Variants in CLCNKB observed in about 807,000 individuals in gnomAD.
CLCNKB encodes the protein chloride voltage-gated channel Kb.
Under a neutral mutation model 83.8 loss-of-function variants are expected in CLCNKB, and 74 were observed. The ratio of observed to expected loss-of-function variants is 0.88; its 90% CI spans 0.73 to 1.07. The LOEUF (loss-of-function observed/expected upper bound fraction) is 1.07. Among genes scored for constraint, CLCNKB ranks in the 50% least tolerant of loss-of-function variants. The pLI is 0.00. For missense variants in CLCNKB, 798 were observed against 893.6 expected, an observed-to-expected ratio of 0.89 and a Z score of 1.36; for synonymous variants, 358 against 356.6, an observed-to-expected ratio of 1.00 and a Z score of -0.04.
In CLCNKB at chr1:16,053,637, A is replaced by G; in HGVS notation, c.1623-2A>G. 6.2e-7 allele frequency: 1 copy of G among 1,613,876 alleles called. No individual in the cohort carries two copies. Among genetic ancestry groups the G allele is most frequent in the African/African-American group, 1.3e-5 (1 of 75,016 alleles). ...GCCTGATGGGAGCCCCTCTGCCTGC[A>G]GTTCCCACCGCGTGAGGGTGGAGCA... On this transcript the variant is annotated splice_acceptor_variant, in intron 15 of 19. Coordinates refer to ENST00000375679, the MANE Select transcript of CLCNKB (RefSeq NM_000085.5). LOFTEE classifies it high-confidence loss of function.
chr1:16,046,694 C>G lies in CLCNKB; in HGVS notation c.358+31C>G, dbSNP rs778077832. On this transcript the variant is annotated intron_variant, in intron 4 of 19. Coordinates refer to ENST00000375679, the MANE Select transcript of CLCNKB (RefSeq NM_000085.5). Reference sequence around the variant, plus strand: ...TCCACAGTCGCTACGCCAGTCCCCACTGGCCAAAACCTTCTCAGATCCCAG... The same window carrying G: ...TCCACAGTCGCTACGCCAGTCCCCAGTGGCCAAAACCTTCTCAGATCCCAG... 35 of 1,538,582 alleles carry G rather than the reference C, an allele frequency of 2.3e-5. No homozygotes were observed. The East Asian group carries it at 8.0e-4, about 35-fold the overall frequency.
At chr1:16,044,845 C>T (rs2023050675) in intron 2 of CLCNKB, among the ~76,000 whole-genome samples, 1 of 152,232 alleles carries the variant, frequency 6.6e-6, no homozygotes, top group African/African-American at 2.4e-5. Flanking sequence ...CTGTGCCCAT[C>T]TTCCACCCAG....
intron 12 of CLCNKB, 45 bp from the exon 13 acceptor site, chr1:16,051,433 G>A (rs746456692): frequency 1.9e-6 from 3 of 1,606,906 alleles, no homozygotes; most frequent in Middle Eastern, 1.7e-4. Context: ...TCCACGCCTT[G>A]CCCAGCAGCC....
intron 5 of CLCNKB, 22 bp from the exon 6 acceptor site, chr1:16,048,321 G>A (rs2023166448): frequency 6.2e-7 from 1 of 1,613,728 alleles, no homozygotes; most frequent in African/African-American, 1.3e-5. Context: ...CCTGGGCCCT[G>A]GGCCCACCCT....
At chr1:16,056,013 G>A (rs559375161) in intron 18 of CLCNKB, among the ~76,000 whole-genome samples, 1 of 152,338 alleles carries the variant, frequency 6.6e-6, no homozygotes. Flanking sequence ...AAATCTCTGG[G>A]TGGAGAAAGA....
At chr1:16,046,706 TTC>T in intron 4 of CLCNKB, 43 bp downstream of exon 4, 1 of 103,896 alleles carries the variant, frequency 9.6e-6, no homozygotes, top group Non-Finnish European at 1.7e-5. Flanking sequence ...GGCCAAAACC[TTC>T]TCAGATCCCA....
At chr1:16,045,483 C>T in intron 2 of CLCNKB, 75 bp from the exon 3 acceptor site, 2 of 1,576,608 alleles carry the variant, frequency 1.3e-6, no homozygotes, top group South Asian at 2.2e-5. Context: ...TGCCTGAAGC[C>T]CAGCAGGCCT....
chr1:16,053,329 C>A (rs1247551883), intron 15 of CLCNKB, among the ~76,000 whole-genome samples: 1 of 152,074 alleles, frequency 6.6e-6, no homozygotes, highest in African/African-American at 2.4e-5. Context: ...TGCCCAGCCG[C>A]ATATACTTTT....
intron 2 of CLCNKB, 112 bp downstream of exon 2, chr1:16,044,704 C>T: frequency 1.1e-6 from 1 of 932,738 alleles, no homozygotes; most frequent in Non-Finnish European, 1.7e-6. Flanking sequence ...TGGCATTTGT[C>T]CAGGACATGA....
Position 16,056,966 on chromosome 1 carries a change from G to T in CLCNKB, c.*50G>T, listed in dbSNP as rs764261430. 6.5e-7 allele frequency: 1 copy of T among 1,548,386 alleles called. No individual in the cohort carries two copies. The highest frequency in any genetic ancestry group is 1.1e-5 in the South Asian group (1 of 88,620). ...GCACCCCAGCTGACCTGGTACTGAG[G>T]TTGGGCTGAGACCCTGCTTCTCTTC... On this transcript the variant is annotated 3_prime_UTR_variant, in exon 20 of 20. Transcript: ENST00000375679.
chr1:16,048,901 C>G (rs1415747625), intron 7 of CLCNKB: 15 of 1,447,342 alleles, frequency 1.0e-5, no homozygotes, highest in Admixed American at 5.6e-5. Context: ...CACCCGATAG[C>G]GAGAGGGCGC....
chr1:16,049,687 T>G lies in CLCNKB; in HGVS notation c.851T>G (p.Phe284Cys), dbSNP rs776197494. The G allele has an allele frequency of 1.2e-5, 19 of 1,610,928 alleles. No homozygotes were observed. The South Asian group carries it at 2.1e-4, about 18-fold the overall frequency. ...CCCTTCGACCTGCCTGAGATCTTCTTTTTTGTGGCGCTGGGGTGAGTGGGT... is the reference window on the plus strand; with the variant it reads ...CCCTTCGACCTGCCTGAGATCTTCTGTTTTGTGGCGCTGGGGTGAGTGGGT... ...DVPFDLPEIF[F>C]FVALGGLCGI... The change falls in exon 9 of 20, where the codon TTT becomes TGT. Residue 284 changes from phenylalanine to cysteine, a missense_variant. Physicochemically the swap from Phe to Cys is radical, Grantham distance 205. Coordinates refer to ENST00000375679, the MANE Select transcript of CLCNKB (RefSeq NM_000085.5).
Position 16,056,421 on chromosome 1 carries a change from GGC to G in CLCNKB, c.1930_1931del (p.Ala644ThrfsTer5). ...KLSPETSLHE[A>X]HNLFELLNLH... Reference sequence around the variant, plus strand: ...AGTGTTTCCTAACATCCCCCATCCAGGCACACAACCTCTTTGAGCTGTTGAAC... The same window carrying G: ...AGTGTTTCCTAACATCCCCCATCCAGACACAACCTCTTTGAGCTGTTGAAC... On this transcript the variant is annotated frameshift_variant and splice_region_variant, in exon 19 of 20. Coordinates refer to ENST00000375679, the MANE Select transcript of CLCNKB (RefSeq NM_000085.5). LOFTEE classifies it high-confidence loss of function. The G allele has an allele frequency of 6.2e-7, 1 of 1,614,036 alleles. No homozygotes were observed. Among genetic ancestry groups the G allele is most frequent in the Non-Finnish European group, 8.5e-7 (1 of 1,179,976 alleles).
At chr1:16,048,753 G>A in intron 7 of CLCNKB, 171 bp downstream of exon 7, 1 of 1,474,284 alleles carries the variant, frequency 6.8e-7, no homozygotes, top group Non-Finnish European at 9.0e-7. Context: ...AGGGGGGGCG[G>A]GTGACTTGAT....
rs764512896 is a variant in CLCNKB at position 16,044,552 on chromosome 1, G to A, written c.60G>A (p.Glu20=). The change falls in exon 2 of 20, where the codon GAG becomes GAA. Residue 20 remains glutamate (E), a synonymous_variant. Transcript: ENST00000375679. ...CAGGGAACCCTGTGACTCTGCAGGA[G>A]CTGTGGGGCCCCTGTCCCCGCATCC... ...GSSGNPVTLQ[E]LWGPCPRIRR... The A allele has an allele frequency of 6.2e-7, 1 of 1,606,716 alleles. No homozygotes were observed. The highest frequency in any genetic ancestry group is 8.5e-7 in the Non-Finnish European group (1 of 1,177,374).
chr1:16,050,224 A>G lies in CLCNKB; in HGVS notation c.969-292A>G, dbSNP rs10754899. Among the ~76,000 whole-genome samples, 131,837 of 151,012 alleles carry G rather than the reference A, an allele frequency of 0.87. 58,382 individuals are homozygous for G. The highest frequency in any genetic ancestry group is 1 in the East Asian group (5,116 of 5,118). On this transcript the variant is annotated intron_variant, in intron 10 of 19. Transcript: ENST00000375679. ...CTCTCCCTTTAAACCATGTGTGCCCATGGCATTGGCCAAGCCCTCCTGCCC... is the reference window on the plus strand; with the variant it reads ...CTCTCCCTTTAAACCATGTGTGCCCGTGGCATTGGCCAAGCCCTCCTGCCC...
intron 15 of CLCNKB, 143 bp from the exon 16 acceptor site, chr1:16,053,496 C>T: frequency 8.2e-7 from 1 of 1,221,178 alleles, no homozygotes; most frequent in Non-Finnish European, 1.2e-6. Flanking sequence ...CTAGGAGTCC[C>T]TCATTCCAGG....
chr1:16,045,509 T>C (rs1268285022), intron 2 of CLCNKB, 49 bp from the exon 3 acceptor site: 2 of 1,606,760 alleles, frequency 1.2e-6, no homozygotes, highest in African/African-American at 2.7e-5. Context: ...GATGGGACTG[T>C]CTGTGCCTCC....
At position 16,044,488 on chromosome 1, in the gene CLCNKB, G is replaced by A. The variant is rs756330716; in HGVS notation, c.-5G>A. ...CCTCCCTCTATCCGCTTCTCCAGGG[G>A]CCTGATGGAGGAGTTTGTGGGGCTG... is the stretch of plus-strand genomic sequence containing the variant. On this transcript the variant is annotated splice_region_variant and 5_prime_UTR_variant, in exon 2 of 20. Transcript: ENST00000375679. 15 of 1,598,354 alleles carry A rather than the reference G, an allele frequency of 9.4e-6. No homozygotes were observed. The South Asian group carries it at 1.7e-4, about 18-fold the overall frequency.
Sources: gnomAD v4.1 joint callset for allele counts (sites outside exome capture counted in the v4.1 genomes callset) on GRCh38, gnomAD v4.1.1 for gene constraint, MANE v1.5 for transcripts, NCBI Gene and HGNC (gene_info 2026-07-23, HGNC 2026-07-21) for gene names.